ZNF471: variants seen among roughly 807,000 people sequenced by gnomAD.
ZNF471 encodes the protein EZFIT-related protein 1.
ZNF471 carries 7 observed loss-of-function variants against 13.7 expected under a neutral mutation model. The observed-to-expected ratio is 0.51, with a 90% CI of 0.29 to 0.96. ZNF471 has a LOEUF of 0.96. ZNF471 is among the 40% of genes least tolerant of loss of function. The pLI is 0.08. For missense variants in ZNF471, 663 were observed against 743.3 expected (o/e 0.89, Z 1.26); for synonymous variants, 218 against 235.6 (o/e 0.93, Z 0.68).
In ZNF471 at chr19:56,525,969, AGCC is replaced by A. The variant is rs771988247; in HGVS notation, c.*22_*24del. The stretch of plus-strand genomic sequence containing the variant: ...CTTAAGAATGTAGTGCATGTGGCCA[AGCC>A]TTTAGTTATCACCAATCCCCTACTG... On this transcript the variant is annotated 3_prime_UTR_variant, in exon 5 of 5. Transcript: ENST00000308031. 1.3e-6 allele frequency: 2 copies of A among 1,527,800 alleles called. No homozygotes were observed. Among genetic ancestry groups the A allele is most frequent in the Admixed American group, 2.2e-5 (1 of 45,464 alleles). The allele number at this position is 1,527,800 out of a possible 1,614,324, so 94.6% of individuals were successfully genotyped here.
rs1251598886 is a variant in ZNF471, at chr19:56,507,874, A to C, written c.-102A>C. The stretch of plus-strand genomic sequence containing the variant: ...CGATGGGGGGTTCCAGCGTCGACTC[A>C]CGGAGTCCTTCGGATGAGAGCGTCT... On this transcript the variant is annotated 5_prime_UTR_variant, in exon 1 of 5. Coordinates refer to ENST00000308031, the MANE Select transcript of ZNF471 (RefSeq NM_020813.4). 2.0e-6 allele frequency: 2 copies of C among 985,380 alleles called. No homozygotes were observed. The highest frequency in any genetic ancestry group is 2.4e-6 in the Non-Finnish European group (2 of 830,066). The allele number at this position is 985,380 out of a possible 1,614,324, so 61.0% of individuals were successfully genotyped here.
Position 56,510,348 on chromosome 19 carries a change from T to C in ZNF471, c.-55-1169T>C. 1.0e-6 allele frequency: 1 copy of C among 985,310 alleles called. No individual in the cohort carries two copies. Among genetic ancestry groups the C allele is most frequent in the Non-Finnish European group, 1.2e-6 (1 of 829,932 alleles). 61.0% of individuals were successfully genotyped at this position (985,310 alleles called of 1,614,324 possible). On this transcript the variant is annotated intron_variant, in intron 1 of 4. Transcript: ENST00000308031. This position sits in a 1 kb window ranked among gnomAD's most constrained non-coding sequence, Gnocchi z 4.3. ...AGGGAGAGAAAGACTAGTGATGTGG[T>C]TGTGTGAGAGACCAAAATGGGTGAG...
rs1364854175 is a variant in ZNF471, at chr19:56,526,777, G to C, written c.*829G>C. 1 of 152,258 alleles carries C rather than the reference G, an allele frequency of 6.6e-6. No homozygotes were observed. The highest frequency in any genetic ancestry group is 2.4e-5 in the African/African-American group (1 of 41,444). 9.4% of individuals were successfully genotyped at this position (152,258 alleles called of 1,614,324 possible). On this transcript the variant is annotated 3_prime_UTR_variant, in exon 5 of 5. Transcript: ENST00000308031. ...GCAGAGCCCTCCACAGCTCAGCAAAGCCTCTGTAGCCAGACTGCCTCTCTA... is the reference window on the plus strand; with the variant it reads ...GCAGAGCCCTCCACAGCTCAGCAAACCCTCTGTAGCCAGACTGCCTCTCTA...
Position 56,528,780 on chromosome 19 carries a change from A to C in ZNF471, c.*2832A>C, listed in dbSNP as rs925944491. 6.6e-6 allele frequency: 1 copy of C among 152,242 alleles called. No homozygotes were observed. The highest frequency in any genetic ancestry group is 1.5e-5 in the Non-Finnish European group (1 of 68,042). 9.4% of individuals were successfully genotyped at this position (152,242 alleles called of 1,614,324 possible). The stretch of plus-strand genomic sequence containing the variant: ...AATATATACAAGACTTTATTTAGTC[A>C]AGTAAAAAAAAATCACTAATGTTTA... On this transcript the variant is annotated 3_prime_UTR_variant, in exon 5 of 5. Coordinates refer to ENST00000308031, the MANE Select transcript of ZNF471 (RefSeq NM_020813.4).
chr19:56,520,944 T>A (rs890596991), intron 4 of ZNF471, among the ~76,000 whole-genome samples: 3 of 152,216 alleles, frequency 2.0e-5, no homozygotes, highest in Non-Finnish European at 4.4e-5. Flanking sequence ...TAATTGACTT[T>A]TAGTGCCACA....
intron 2 of ZNF471, among the ~76,000 whole-genome samples, chr19:56,515,904 A>G (rs1157794840): frequency 6.6e-6 from 1 of 152,220 alleles, no homozygotes; most frequent in Non-Finnish European, 1.5e-5. Context: ...AATCAGCTAC[A>G]TTAGTTCAAT....
intron 2 of ZNF471, among the ~76,000 whole-genome samples, chr19:56,512,714 T>C (rs1281700159): frequency 1.3e-5 from 2 of 152,148 alleles, no homozygotes; most frequent in African/African-American, 4.8e-5. Flanking sequence ...ATATTGCACA[T>C]GTATAAGAAA....
intron 2 of ZNF471, among the ~76,000 whole-genome samples, 191 bp downstream of exon 2, chr19:56,511,795 G>C (rs2043815980): frequency 6.6e-6 from 1 of 152,156 alleles, no homozygotes; most frequent in South Asian, 2.1e-4. Flanking sequence ...AAGTCATGGA[G>C]GTCCCTCTGA....
intron 4 of ZNF471, among the ~76,000 whole-genome samples, chr19:56,520,792 A>C (rs1385304981): frequency 6.6e-6 from 1 of 152,258 alleles, no homozygotes; most frequent in Non-Finnish European, 1.5e-5. Context: ...TCTGTGAGAA[A>C]TAAATTAGCC....
rs2043987551 is a variant in ZNF471, at chr19:56,522,531, T to C, written c.257-1793T>C. On this transcript the variant is annotated intron_variant, in intron 4 of 4. Transcript: ENST00000308031. The surrounding 1 kb of genome is among the most constrained non-coding windows in gnomAD (Gnocchi z 4.1). ...GCATAATGTATAATTGCTTAGGAAATATTGGATTAGTCGATGATTTGCTAT... is the reference window on the plus strand; with the variant it reads ...GCATAATGTATAATTGCTTAGGAAACATTGGATTAGTCGATGATTTGCTAT... Among the ~76,000 whole-genome samples, 1 of 152,188 alleles carries C rather than the reference T, an allele frequency of 6.6e-6. No homozygotes were observed. Among genetic ancestry groups the C allele is most frequent in the Non-Finnish European group, 1.5e-5 (1 of 68,030 alleles).
intron 3 of ZNF471, among the ~76,000 whole-genome samples, chr19:56,517,708 T>C (rs1447702972): frequency 6.6e-6 from 1 of 152,220 alleles, no homozygotes; most frequent in Non-Finnish European, 1.5e-5. Context: ...CCCAAAGTGC[T>C]GGGATTACAG....
Position 56,524,942 on chromosome 19 carries a change from G to A in ZNF471, c.875G>A (p.Cys292Tyr), listed in dbSNP as rs2044024216. 3.7e-6 allele frequency: 6 copies of A among 1,614,086 alleles called. No individual in the cohort carries two copies. Among genetic ancestry groups the A allele is most frequent in the Non-Finnish European group, 5.1e-6 (6 of 1,180,016 alleles). Reference sequence around the variant, plus strand: ...CATACTGGAGAAAAACCATATAAATGTAAGGAATGCAGAAAAGCCTTCAGA... The same window carrying A: ...CATACTGGAGAAAAACCATATAAATATAAGGAATGCAGAAAAGCCTTCAGA... ...RIHTGEKPYK[C>Y]KECRKAFRQP... Residue 292 changes from cysteine to tyrosine, a missense_variant, in exon 5 of 5, where the codon TGT becomes TAT. Transcript: ENST00000308031. This position sits in a 1 kb window ranked among gnomAD's most constrained non-coding sequence, Gnocchi z 4.8.
chr19:56,524,279 A>G lies in ZNF471; in HGVS notation c.257-45A>G, dbSNP rs765069312. 2 of 1,289,322 alleles carry G rather than the reference A, an allele frequency of 1.6e-6. No individual in the cohort carries two copies. Among genetic ancestry groups the G allele is most frequent in the Admixed American group, 5.1e-5 (2 of 38,940 alleles). The allele number at this position is 1,289,322 out of a possible 1,614,324, so 79.9% of individuals were successfully genotyped here. ...TTTTTCACAATGTCTCCTTTGTTGT[A>G]GCCCATGATAAAGGGAACATTCACT... On this transcript the variant is annotated intron_variant, in intron 4 of 4. Transcript: ENST00000308031. The surrounding 1 kb of genome is among the most constrained non-coding windows in gnomAD (Gnocchi z 4.8).
At chr19:56,511,473 A>G (rs1309933274) in intron 1 of ZNF471, 44 bp from the exon 2 acceptor site, 14 of 1,443,618 alleles carry the variant, frequency 9.7e-6, no homozygotes, top group Non-Finnish European at 1.2e-5. Context: ...CTGGGAGTGC[A>G]GCATCTCTGG....
rs747514348 is a variant in ZNF471, at chr19:56,525,536, AAG to A, written c.1471_1472del (p.Glu491MetfsTer6). 6.2e-7 allele frequency: 1 copy of A among 1,614,116 alleles called. No homozygotes were observed. The highest frequency in any genetic ancestry group is 1.7e-5 in the Admixed American group (1 of 60,030). On this transcript the variant is annotated frameshift_variant, in exon 5 of 5. Transcript: ENST00000308031. LOFTEE classifies it low-confidence loss of function (END_TRUNC). ...ACTGGTGAAAAACCCTATGAATGTA[AAG>A]AATGTGGAAAAGCTTTTAGAATCAG...
chr19:56,529,256 T>C lies in ZNF471; in HGVS notation c.*3308T>C, dbSNP rs558765385. On this transcript the variant is annotated 3_prime_UTR_variant, in exon 5 of 5. Transcript: ENST00000308031. The stretch of plus-strand genomic sequence containing the variant: ...TTTTATATTTGAAAAGTGTTTTCGA[T>C]GTATCATTGGGGGAGATTAAATGTC... The C allele has an allele frequency of 6.6e-6, 1 of 152,236 alleles. No individual in the cohort carries two copies. The highest frequency in any genetic ancestry group is 1.5e-5 in the Non-Finnish European group (1 of 68,044). The allele number at this position is 152,236 out of a possible 1,614,324, so 9.4% of individuals were successfully genotyped here. A position where few individuals can be genotyped will look rare whatever the true frequency, so the allele number is the denominator to read the frequency against.
At chr19:56,519,637 T>C (rs981828317) in intron 4 of ZNF471, among the ~76,000 whole-genome samples, 2 of 152,220 alleles carry the variant, frequency 1.3e-5, no homozygotes, top group Admixed American at 6.5e-5. Context: ...TAAAGCATTC[T>C]CCTTTCCCTT....
intron 4 of ZNF471, among the ~76,000 whole-genome samples, chr19:56,521,113 A>G (rs1412218033): frequency 6.6e-6 from 1 of 152,114 alleles, no homozygotes; most frequent in African/African-American, 2.4e-5. Context: ...AGTATGGGGG[A>G]AACTGCCCCC....
rs917753853 is a variant in ZNF471 at position 56,510,634 on chromosome 19, C to T, written c.-55-883C>T. 5.1e-6 allele frequency: 5 copies of T among 985,568 alleles called. No homozygotes were observed. Among genetic ancestry groups the T allele is most frequent in the Non-Finnish European group, 6.0e-6 (5 of 830,070 alleles). 61.1% of individuals were successfully genotyped at this position (985,568 alleles called of 1,614,324 possible). The stretch of plus-strand genomic sequence containing the variant: ...CTTGTGATTGTGTCCTCCGTGTGAC[C>T]ATGAAACCTGTGTTAGTGTTTGTAT... On this transcript the variant is annotated intron_variant, in intron 1 of 4. Transcript: ENST00000308031. This position sits in a 1 kb window ranked among gnomAD's most constrained non-coding sequence, Gnocchi z 4.3.
Sources: allele counts gnomAD v4.1 joint callset (sites outside exome capture counted in the v4.1 genomes callset), GRCh38; gene constraint gnomAD v4.1.1; non-coding constraint Gnocchi (gnomAD v3.1); transcripts MANE v1.5; gene names NCBI Gene and HGNC (gene_info 2026-07-23, HGNC 2026-07-21).